The following CAP1 variants were observed in gnomAD, a reference collection of about 807,000 sequenced individuals.
CAP1 encodes cyclase associated actin cytoskeleton regulatory protein 1.
CAP1 carries 11 observed loss-of-function variants against 58.2 expected under a neutral mutation model. That is an observed-to-expected ratio of 0.19 (90% CI 0.12 to 0.31). The LOEUF (loss-of-function observed/expected upper bound fraction) is 0.31, where lower values mean the gene tolerates loss of function less well. Among genes scored for constraint, CAP1 ranks in the 10% least tolerant of loss-of-function variants. The pLI is 1.00. For missense variants in CAP1, 423 were observed against 587.5 expected (o/e 0.72, Z 2.89); for synonymous variants, 183 against 213.8 (o/e 0.86, Z 1.26).
chr1:40,042,574 G>A (rs938299282), intron 1 of CAP1, among the ~76,000 whole-genome samples: 1 of 152,172 alleles, frequency 6.6e-6, no homozygotes, highest in African/African-American at 2.4e-5. Context: ...ATGTGGTCAG[G>A]TCAGTCATAT....
Position 40,071,521 on chromosome 1 carries a change from A to C in CAP1, c.1416A>C (p.Glu472Asp). 6.2e-7 allele frequency: 1 copy of C among 1,612,382 alleles called. No homozygotes were observed. The highest frequency in any genetic ancestry group is 8.5e-7 in the Non-Finnish European group (1 of 1,178,434). ...AGAAGTTGGTCACCACAGTGACAGA[A>C]ATTGCTGGATAAGCGAAGTGCCACT... ...NGQKLVTTVT[E>D]IAG The change falls in exon 13 of 13, where the codon GAA becomes GAC. Residue 472 changes from glutamate (E) to aspartate (D), a missense_variant. Coordinates refer to ENST00000372805, the MANE Select transcript of CAP1 (RefSeq NM_006367.4).
At chr1:40,042,653 A>G (rs1261386619) in intron 1 of CAP1, among the ~76,000 whole-genome samples, 1 of 152,206 alleles carries the variant, frequency 6.6e-6, no homozygotes, top group East Asian at 1.9e-4. Flanking sequence ...GATGCTTTGA[A>G]GGGTTTTATG....
chr1:40,048,659 T>C (rs11207417), intron 1 of CAP1, among the ~76,000 whole-genome samples: 21,509 of 152,036 alleles, frequency 0.14, 1,793 homozygotes, highest in African/African-American at 0.24. Flanking sequence ...GTGACAAATA[T>C]TGTAAATTTT....
intron 7 of CAP1, 144 bp from the exon 8 acceptor site, chr1:40,067,396 G>T (rs1318666791): frequency 2.0e-5 from 12 of 601,730 alleles, no homozygotes; most frequent in Non-Finnish European, 3.1e-5. Context: ...ATAAAGCCAA[G>T]TTGGGTATGG....
intron 1 of CAP1, among the ~76,000 whole-genome samples, chr1:40,049,472 A>G (rs746155577): frequency 1.3e-5 from 2 of 151,822 alleles, no homozygotes; most frequent in African/African-American, 4.8e-5. Flanking sequence ...CAGCCTCCCT[A>G]AGTGCTGAGA....
chr1:40,060,090 G>A lies in CAP1; in HGVS notation c.136G>A (p.Ala46Thr), dbSNP rs1402567902. 6.2e-7 allele frequency: 1 copy of A among 1,613,516 alleles called. No individual in the cohort carries two copies. Among genetic ancestry groups the A allele is most frequent in the Non-Finnish European group, 8.5e-7 (1 of 1,179,764 alleles). The part of the protein sequence containing the change: ...SKAGAAPYVQ[A>T]FDSLLAGPVA... The stretch of plus-strand genomic sequence containing the variant: ...AGCAGGAGCAGCTCCATATGTGCAG[G>A]CATTTGACTCGCTGCTTGCTGGTCC... Residue 46 changes from alanine (A) to threonine (T), a missense_variant, in exon 3 of 13, where the codon GCA becomes ACA. Ala to Thr is a moderately conservative substitution (Grantham distance 58). Coordinates refer to ENST00000372805, the MANE Select transcript of CAP1 (RefSeq NM_006367.4).
At chr1:40,059,504 G>T in intron 2 of CAP1, 46 bp downstream of exon 2, 1 of 1,206,614 alleles carries the variant, frequency 8.3e-7, no homozygotes, top group Non-Finnish European at 1.2e-6. Context: ...GAGCGTCTTG[G>T]CCTGAAAATT....
chr1:40,048,829 A>G (rs1452307165), intron 1 of CAP1, among the ~76,000 whole-genome samples: 1 of 152,206 alleles, frequency 6.6e-6, no homozygotes, highest in East Asian at 1.9e-4. Context: ...AAACCTCAGG[A>G]ACAGGATTAC....
At chr1:40,052,830 C>T (rs1398408495) in intron 1 of CAP1, among the ~76,000 whole-genome samples, 1 of 152,114 alleles carries the variant, frequency 6.6e-6, no homozygotes, top group Non-Finnish European at 1.5e-5. Flanking sequence ...GTGGCTCACG[C>T]CTGTAATCCC....
chr1:40,050,749 C>T (rs1646325934), intron 1 of CAP1, among the ~76,000 whole-genome samples: 1 of 152,066 alleles, frequency 6.6e-6, no homozygotes, highest in Non-Finnish European at 1.5e-5. Flanking sequence ...ACTTTCTAGA[C>T]CCTAATATCA....
intron 1 of CAP1, among the ~76,000 whole-genome samples, chr1:40,048,596 TAAAA>T (rs1340467156): frequency 6.6e-6 from 1 of 152,138 alleles, no homozygotes; most frequent in Non-Finnish European, 1.5e-5. Context: ...TATTATATGT[TAAAA>T]GAAAGTTTGG....
chr1:40,064,411 T>G (rs1646987536), intron 5 of CAP1, 41 bp downstream of exon 5: 2 of 1,613,616 alleles, frequency 1.2e-6, no homozygotes. Flanking sequence ...GGGTATAGAT[T>G]TTAAGAGGGA....
intron 4 of CAP1, 38 bp downstream of exon 4, chr1:40,061,850 G>T: frequency 7.0e-7 from 1 of 1,436,276 alleles, no homozygotes; most frequent in Non-Finnish European, 9.8e-7. Context: ...TTGGTTTGAT[G>T]CTCAGGACGA....
intron 1 of CAP1, among the ~76,000 whole-genome samples, chr1:40,046,773 CTTTT>C (rs750614525): frequency 1.4e-5 from 2 of 140,360 alleles, no homozygotes. Context: ...TTTATTTAAA[CTTTT>C]TTTTTTTTTT....
chr1:40,062,633 T>C (rs1646899007), intron 4 of CAP1, among the ~76,000 whole-genome samples: 1 of 151,892 alleles, frequency 6.6e-6, no homozygotes, highest in Non-Finnish European at 1.5e-5. Context: ...GGCAAGGTGG[T>C]GCATGCGTAT....
At position 40,070,273 on chromosome 1, in the gene CAP1, A is replaced by G. The variant is rs758294764; in HGVS notation, c.1108A>G (p.Ile370Val). The G allele has an allele frequency of 2.9e-5, 47 of 1,614,078 alleles. No homozygotes were observed. In the African/African-American group the frequency reaches 4.4e-4, roughly 15 times the overall value. ...TLQIKGKINS[I>V]TVDNCKKLGL... ...GCAAATCAAGGGCAAAATTAACTCCATTACAGTAGGTGAGTCTTTGTCGCT... is the reference window on the plus strand; with the variant it reads ...GCAAATCAAGGGCAAAATTAACTCCGTTACAGTAGGTGAGTCTTTGTCGCT... The change falls in exon 10 of 13, where the codon ATT (isoleucine) becomes GTT (valine). Residue 370 changes from isoleucine to valine, a missense_variant. Coordinates refer to ENST00000372805, the MANE Select transcript of CAP1 (RefSeq NM_006367.4).
At chr1:40,041,096 T>C (rs1645803392) in intron 1 of CAP1, 1 of 152,374 alleles carries the variant, frequency 6.6e-6, no homozygotes, top group Non-Finnish European at 1.5e-5. Context: ...ACCTCCGAGA[T>C]CGGAGAGTCT....
chr1:40,069,538 G>T (rs1482387750), intron 8 of CAP1, 152 bp from the exon 9 acceptor site: 2 of 662,666 alleles, frequency 3.0e-6, no homozygotes, highest in East Asian at 5.4e-5. Context: ...GAAGAGAAAT[G>T]ATAAAAGTAC....
intron 4 of CAP1, among the ~76,000 whole-genome samples, chr1:40,062,440 C>T (rs1357550126): frequency 6.6e-6 from 1 of 151,942 alleles, no homozygotes; most frequent in African/African-American, 2.4e-5. Context: ...AAAAATAGTG[C>T]AAGATAATGT....
Sources: gnomAD v4.1 joint callset for allele counts (sites outside exome capture counted in the v4.1 genomes callset) on GRCh38, gnomAD v4.1.1 for gene constraint, MANE v1.5 for transcripts, NCBI Gene and HGNC (gene_info 2026-07-23, HGNC 2026-07-21) for gene names.